Variants in CLCN5 observed in about 807,000 individuals in gnomAD.
CLCN5 encodes H(+)/Cl(-) exchange transporter 5.
Under a neutral mutation model 54.0 loss-of-function variants are expected in CLCN5, and 17 were observed. The ratio of observed to expected loss-of-function variants is 0.31; its 90% CI spans 0.22 to 0.47. CLCN5 has a LOEUF of 0.47. Ranked by LOEUF, CLCN5 falls within the 20% of genes least tolerant of loss-of-function variation. The pLI is 1.00. For synonymous variants in CLCN5, 222 were observed against 233.0 expected, an observed-to-expected ratio of 0.95 and a Z score of 0.43; for missense variants, 448 against 646.7, an observed-to-expected ratio of 0.69 and a Z score of 3.33.
At chrX:49,966,127 A>G (rs1557175411) in intron 3 of CLCN5, among the ~76,000 whole-genome samples, 1 of 110,869 alleles carries the variant, frequency 9.0e-6, no homozygotes, top group Non-Finnish European at 1.9e-5. Context: ...GTGGAGAACA[A>G]CTCTGTCACT....
At chrX:50,065,840 T>G (rs1308265337) in intron 4 of CLCN5, among the ~76,000 whole-genome samples, 1,056 of 100,992 alleles carry the variant, frequency 0.01, 14 homozygotes, top group African/African-American at 0.037. Context: ...CCATAAAAAA[T>G]GATGAGTTCA....
chrX:50,062,652 G>T (rs1487673702), intron 4 of CLCN5, among the ~76,000 whole-genome samples: 36 of 95,330 alleles, frequency 3.8e-4, no homozygotes, highest in Non-Finnish European at 6.9e-4. Context: ...TCTGCACCAA[G>T]CGGACCTAAT....
intron 3 of CLCN5, among the ~76,000 whole-genome samples, chrX:49,961,471 G>C (rs1259561269): frequency 8.9e-6 from 1 of 112,229 alleles, no homozygotes; most frequent in Non-Finnish European, 1.9e-5. Flanking sequence ...CACATGACAA[G>C]TAAGAGGCAA....
intron 9 of CLCN5, among the ~76,000 whole-genome samples, chrX:50,082,078 C>G (rs1933724314): frequency 9.0e-6 from 1 of 111,342 alleles, no homozygotes; most frequent in South Asian, 3.7e-4. Context: ...ACAAAAATGT[C>G]CATCAATAGG....
intron 3 of CLCN5, among the ~76,000 whole-genome samples, chrX:49,927,428 A>C (rs1022421406): frequency 3.6e-5 from 4 of 112,008 alleles, no homozygotes; most frequent in Admixed American, 9.5e-5. Context: ...AGCTCTTTGG[A>C]TAACTGCAGC....
chrX:50,007,524 G>A (rs919775443), intron 3 of CLCN5, among the ~76,000 whole-genome samples: 1 of 108,766 alleles, frequency 9.2e-6, no homozygotes, highest in South Asian at 4.2e-4. Flanking sequence ...ATGTGAAGGG[G>A]CGTGAACTTT....
intron 3 of CLCN5, among the ~76,000 whole-genome samples, chrX:49,984,773 C>T (rs1557178098): frequency 9.1e-6 from 1 of 110,195 alleles, no homozygotes; most frequent in African/African-American, 3.3e-5. Context: ...CACCACCACA[C>T]TCAACTATTT....
At chrX:50,034,454 G>T (rs1390438236) in intron 3 of CLCN5, among the ~76,000 whole-genome samples, 1 of 111,324 alleles carries the variant, frequency 9.0e-6, no homozygotes, top group Non-Finnish European at 1.9e-5. Flanking sequence ...GCAGTATCCG[G>T]CATATATTAC....
At chrX:49,924,164 G>GTTTTTTTTTTT (rs1925217923) in intron 2 of CLCN5, among the ~76,000 whole-genome samples, 4 of 81,504 alleles carry the variant, frequency 4.9e-5, no homozygotes, top group African/African-American at 2.5e-4. Flanking sequence ...TTTTTTTTTG[G>GTTTTTTTTTTT]TTTGAGCCGG....
At chrX:49,967,262 A>G in intron 3 of CLCN5, among the ~76,000 whole-genome samples, 1 of 40,984 alleles carries the variant, frequency 2.4e-5, no homozygotes, top group East Asian at 6.9e-4. Flanking sequence ...ATTTCTCCGC[A>G]TCCTCTCCAG....
intron 4 of CLCN5, among the ~76,000 whole-genome samples, chrX:50,044,161 A>T (rs1932316515): frequency 8.9e-6 from 1 of 111,885 alleles, no homozygotes; most frequent in Non-Finnish European, 1.9e-5. Context: ...TATACCTGGC[A>T]TACAGTTAAG....
At chrX:50,055,263 A>T (rs993589938) in intron 4 of CLCN5, among the ~76,000 whole-genome samples, 5 of 112,070 alleles carry the variant, frequency 4.5e-5, no homozygotes, top group Non-Finnish European at 9.4e-5. Flanking sequence ...CTAAAATGAT[A>T]CAGTATGAAT....
At chrX:49,966,589 CTTTTTTTT>C in intron 3 of CLCN5, among the ~76,000 whole-genome samples, 1 of 17,821 alleles carries the variant, frequency 5.6e-5, no homozygotes, top group Non-Finnish European at 8.0e-5. Context: ...TATCTCTGAT[CTTTTTTTT>C]TTTTTTTTTT....
chrX:49,938,242 C>A (rs1000077406), intron 3 of CLCN5, among the ~76,000 whole-genome samples: 25 of 111,580 alleles, frequency 2.2e-4, no homozygotes, highest in Admixed American at 2.0e-3. Flanking sequence ...CAATGCCATC[C>A]CCATCAAGCT....
intron 3 of CLCN5, among the ~76,000 whole-genome samples, chrX:49,978,687 G>T (rs1458903497): frequency 8.9e-6 from 1 of 111,905 alleles, no homozygotes; most frequent in Non-Finnish European, 1.9e-5. Context: ...CTCTCTTGTA[G>T]CTGCTGCCTG....
chrX:49,952,108 T>C (rs1248298741), intron 3 of CLCN5, among the ~76,000 whole-genome samples: 1 of 112,033 alleles, frequency 8.9e-6, no homozygotes. Context: ...AATTTAGATT[T>C]AACTTGAATT....
chrX:50,090,941 A>ATAGAAAGAAG, intron 14 of CLCN5, 55 bp downstream of exon 14: 2 of 1,025,149 alleles, frequency 2.0e-6, no homozygotes, highest in Non-Finnish European at 1.4e-6. Context: ...GAATGCAGAG[A>ATAGAAAGAAG]TAGAAAGAAG....
intron 3 of CLCN5, among the ~76,000 whole-genome samples, chrX:50,013,589 T>A (rs181150573): frequency 8.1e-4 from 91 of 112,153 alleles, no homozygotes; most frequent in African/African-American, 2.2e-3. Flanking sequence ...CACACATGTG[T>A]AAGTGTAGAA....
chrX:50,042,585 T>C lies in CLCN5; in HGVS notation c.163+123T>C, dbSNP rs1231960575. On this transcript the variant is annotated intron_variant, in intron 4 of 14. Transcript: ENST00000376091. The stretch of plus-strand genomic sequence containing the variant: ...TGTGAGTTTTTAACAAATGGCTAGA[T>C]TATTGTAACTACCACCACTGACAGG... The C allele has an allele frequency of 1.5e-5, 6 of 397,097 alleles. No homozygotes were observed. The Admixed American group carries it at 2.8e-4, about 18-fold the overall frequency. The allele number at this position is 397,097 out of a possible 1,213,427, so 32.7% of individuals were successfully genotyped here.
Sources: allele counts gnomAD v4.1 joint callset (sites outside exome capture counted in the v4.1 genomes callset), GRCh38; gene constraint gnomAD v4.1.1; transcripts MANE v1.5; gene names NCBI Gene and HGNC (gene_info 2026-07-23, HGNC 2026-07-21).